CNTN5: variants seen among roughly 807,000 people sequenced by gnomAD.
CNTN5 encodes contactin 5.
CNTN5 carries 77 observed loss-of-function variants against 129.1 expected under a neutral mutation model. The observed-to-expected ratio is 0.60, with a 90% CI of 0.50 to 0.72. The LOEUF is 0.72. Among genes scored for constraint, CNTN5 ranks in the 30% least tolerant of loss-of-function variants. The pLI, the probability that CNTN5 is intolerant of heterozygous loss-of-function variation, is 0.00. For synonymous variants in CNTN5, 509 were observed against 465.6 expected, an observed-to-expected ratio of 1.09 and a Z score of -1.20; for missense variants, 1,478 against 1,328.8, an observed-to-expected ratio of 1.11 and a Z score of -1.75.
Position 99,719,940 on chromosome 11 carries a change from A to G in CNTN5, c.56-99604A>G, listed in dbSNP as rs118143772. 8.7e-3 allele frequency among the ~76,000 whole-genome samples: 1,318 copies of G among 152,240 alleles called. 11 individuals carry two copies. The highest frequency in any genetic ancestry group is 0.031 in the Middle Eastern group (9 of 294). On this transcript the variant is annotated intron_variant, in intron 3 of 24. Coordinates refer to ENST00000524871, the MANE Select transcript of CNTN5 (RefSeq NM_014361.4). Reference sequence around the variant, plus strand: ...ACTAGAAAACCTAGAAGATATTGATAAATTACTGGACACATACACTCTCCT... The same window carrying G: ...ACTAGAAAACCTAGAAGATATTGATGAATTACTGGACACATACACTCTCCT...
chr11:99,921,539 C>A (rs911040064), intron 7 of CNTN5, among the ~76,000 whole-genome samples: 3 of 152,122 alleles, frequency 2.0e-5, no homozygotes, highest in Admixed American at 1.3e-4. Flanking sequence ...CTTTATTTTT[C>A]TCCGTAGTAC....
intron 9 of CNTN5, among the ~76,000 whole-genome samples, chr11:100,059,641 C>A (rs926561472): frequency 1.1e-4 from 16 of 151,926 alleles, no homozygotes; most frequent in African/African-American, 3.4e-4. Flanking sequence ...AATAAAATAC[C>A]ATTTTTTGCC....
chr11:99,068,074 A>G (rs1215945662), intron 1 of CNTN5, among the ~76,000 whole-genome samples: 1 of 152,150 alleles, frequency 6.6e-6, no homozygotes, highest in Non-Finnish European at 1.5e-5. Flanking sequence ...ACCTTCTGCC[A>G]TGATTTTAAA....
At chr11:99,467,919 G>GAAAC (rs1945009636) in intron 2 of CNTN5, among the ~76,000 whole-genome samples, 1 of 151,892 alleles carries the variant, frequency 6.6e-6, no homozygotes, top group African/African-American at 2.4e-5. Flanking sequence ...TTGAGATTGG[G>GAAAC]AAACATAAGA....
chr11:99,227,163 A>G (rs1253006496), intron 1 of CNTN5, among the ~76,000 whole-genome samples: 1 of 152,068 alleles, frequency 6.6e-6, no homozygotes, highest in East Asian at 1.9e-4. Context: ...GATCAAGGCC[A>G]TCCTGGGTAG....
At chr11:99,464,688 T>G (rs1380411012) in intron 2 of CNTN5, among the ~76,000 whole-genome samples, 2 of 152,170 alleles carry the variant, frequency 1.3e-5, no homozygotes, top group East Asian at 3.8e-4. Flanking sequence ...ATTCAATTGG[T>G]TGAAGTTGAA....
At chr11:100,065,239 G>A (rs576245078) in intron 10 of CNTN5, among the ~76,000 whole-genome samples, 9 of 151,998 alleles carry the variant, frequency 5.9e-5, no homozygotes, top group African/African-American at 1.4e-4. Context: ...AATGTTAATC[G>A]CTTCTATCGT....
chr11:99,408,259 C>T lies in CNTN5; in HGVS notation c.-71+82775C>T, dbSNP rs977222386. ...CAAGAGACTGTGTATTACTCTGTTG[C>T]CCAGGCTGGAGTGCAGTGGTGCGAT... On this transcript the variant is annotated intron_variant, in intron 2 of 24. Coordinates refer to ENST00000524871, the MANE Select transcript of CNTN5 (RefSeq NM_014361.4). 1.1e-3 allele frequency among the ~76,000 whole-genome samples: 165 copies of T among 150,822 alleles called. 3 individuals carry two copies. The highest frequency in any genetic ancestry group is 4.1e-4 in the Non-Finnish European group (28 of 67,780).
intron 4 of CNTN5, among the ~76,000 whole-genome samples, chr11:99,823,653 A>T: frequency 6.6e-6 from 1 of 152,200 alleles, no homozygotes; most frequent in East Asian, 1.9e-4. Flanking sequence ...CATAAAGGAA[A>T]TAATAATTTC....
intron 9 of CNTN5, chr11:100,003,705 A>G (rs1434929267): frequency 6.6e-6 from 1 of 152,174 alleles, no homozygotes; most frequent in African/African-American, 2.4e-5. Context: ...CATTCTAGGT[A>G]AGACCCAACA....
rs186699945 is a variant in CNTN5 at position 100,113,097 on chromosome 11, G to A, written c.1580+38803G>A. Among the ~76,000 whole-genome samples the A allele has an allele frequency of 2.0e-5, 3 of 151,944 alleles. No homozygotes were observed. In the East Asian group the frequency reaches 5.8e-4, roughly 29 times the overall value. On this transcript the variant is annotated intron_variant, in intron 13 of 24. Transcript: ENST00000524871. ...CTTTCATTATGGAAGTCAAATCTTA[G>A]TCTCTCTTTAATGATATCGGATAGA...
In CNTN5 at chr11:99,389,564, C is replaced by A. The variant is rs74870672; in HGVS notation, c.-71+64080C>A. Among the ~76,000 whole-genome samples, 948 of 152,206 alleles carry A rather than the reference C, an allele frequency of 6.2e-3. 12 individuals carry two copies. The highest frequency in any genetic ancestry group is 0.022 in the African/African-American group (914 of 41,532). ...TTTTCCCTTTATAGATAAGAATCAG[C>A]ATAGTGTAGACCTTACTTTCATATA... On this transcript the variant is annotated intron_variant, in intron 2 of 24. Coordinates refer to ENST00000524871, the MANE Select transcript of CNTN5 (RefSeq NM_014361.4).
intron 7 of CNTN5, among the ~76,000 whole-genome samples, chr11:99,937,574 T>C (rs1259427294): frequency 6.6e-6 from 1 of 152,128 alleles, no homozygotes; most frequent in Non-Finnish European, 1.5e-5. Context: ...TCAACAAGGA[T>C]CACTCTGGGT....
chr11:99,728,639 G>A (rs1565467601), intron 3 of CNTN5, among the ~76,000 whole-genome samples: 1 of 152,156 alleles, frequency 6.6e-6, no homozygotes. Context: ...TGCTTAGGTT[G>A]CTTGTTCTCC....
At chr11:99,255,917 G>T (rs1005993107) in intron 1 of CNTN5, among the ~76,000 whole-genome samples, 1 of 151,868 alleles carries the variant, frequency 6.6e-6, no homozygotes, top group Non-Finnish European at 1.5e-5. Context: ...TTCAGCAACA[G>T]TTCTTTTTAA....
intron 14 of CNTN5, among the ~76,000 whole-genome samples, chr11:100,191,977 G>T (rs1158025100): frequency 1.3e-5 from 2 of 151,266 alleles, no homozygotes; most frequent in African/African-American, 4.9e-5. Context: ...CCATACTCCG[G>T]CCATAAAAAT....
intron 1 of CNTN5, among the ~76,000 whole-genome samples, chr11:99,226,538 C>T (rs1860696118): frequency 1.3e-5 from 2 of 152,118 alleles, no homozygotes; most frequent in African/African-American, 2.4e-5. Flanking sequence ...AGAAAGCCTC[C>T]CTACCAACTG....
intron 2 of CNTN5, among the ~76,000 whole-genome samples, chr11:99,510,659 G>A (rs1946801400): frequency 6.6e-6 from 1 of 152,116 alleles, no homozygotes; most frequent in Non-Finnish European, 1.5e-5. Context: ...ATCATTTAGT[G>A]ACATTGTGTC....
chr11:100,242,415 C>A (rs1481282081), intron 16 of CNTN5, among the ~76,000 whole-genome samples: 1 of 152,094 alleles, frequency 6.6e-6, no homozygotes, highest in Admixed American at 6.5e-5. Context: ...TAAGCAGTCA[C>A]CTTCCCTATC....
Sources: allele counts gnomAD v4.1 joint callset (sites outside exome capture counted in the v4.1 genomes callset), GRCh38; gene constraint gnomAD v4.1.1; transcripts MANE v1.5; gene names NCBI Gene and HGNC (gene_info 2026-07-23, HGNC 2026-07-21).